Variants in ADAM9 observed in about 807,000 individuals in gnomAD.
ADAM9 encodes the protein ADAM metallopeptidase domain 9.
A neutral mutation model predicts 108.1 loss-of-function variants in ADAM9; 54 were observed. That is an observed-to-expected ratio of 0.50 (90% CI 0.40 to 0.63). The LOEUF (loss-of-function observed/expected upper bound fraction) is 0.63, where lower values mean the gene tolerates loss of function less well. Among genes scored for constraint, ADAM9 ranks in the 20% least tolerant of loss-of-function variants. The pLI is 0.00. For missense variants in ADAM9, 830 were observed against 997.7 expected, an observed-to-expected ratio of 0.83 and a Z score of 2.26; for synonymous variants, 316 against 336.0, an observed-to-expected ratio of 0.94 and a Z score of 0.65.
At chr8:39,014,251 GTTTT>G in intron 4 of ADAM9, 1 of 492,984 alleles carries the variant, frequency 2.0e-6, no homozygotes, top group South Asian at 2.9e-5. Context: ...AGTAGTTAAG[GTTTT>G]TTTTTTAAAG....
intron 19 of ADAM9, 55 bp downstream of exon 19, chr8:39,090,243 G>T: frequency 6.8e-7 from 1 of 1,472,260 alleles, no homozygotes. Context: ...TACATTTTCT[G>T]AGACAGAATC....
intron 11 of ADAM9, 46 bp downstream of exon 11, chr8:39,026,856 C>T (rs1455459452): frequency 6.2e-7 from 1 of 1,609,454 alleles, no homozygotes; most frequent in Non-Finnish European, 8.5e-7. Context: ...ATTGTAGATC[C>T]ATGTTTCTTA....
intron 21 of ADAM9, 25 bp from the exon 22 acceptor site, chr8:39,103,581 AT>A: frequency 6.2e-7 from 1 of 1,602,810 alleles, no homozygotes; most frequent in African/African-American, 1.3e-5. Flanking sequence ...TAAACACTCT[AT>A]TAACTATCTC....
chr8:39,026,605 A>T (rs1836930493), intron 10 of ADAM9, 72 bp from the exon 11 acceptor site: 2 of 1,605,342 alleles, frequency 1.2e-6, no homozygotes, highest in Admixed American at 1.7e-5. Context: ...CCTTTTGTGA[A>T]AAAATAATCT....
chr8:39,062,251 T>C (rs1026982518), intron 14 of ADAM9, among the ~76,000 whole-genome samples: 1 of 152,206 alleles, frequency 6.6e-6, no homozygotes, highest in Admixed American at 6.5e-5. Context: ...TAATGATTAA[T>C]AGTATAAATT....
chr8:39,089,744 A>G (rs1166466405), intron 18 of ADAM9: 7 of 378,416 alleles, frequency 1.8e-5, no homozygotes, highest in African/African-American at 1.0e-4. Flanking sequence ...ACCAAATGGT[A>G]TATAAATAGT....
chr8:39,091,526 T>G (rs1288572637), intron 20 of ADAM9, among the ~76,000 whole-genome samples, 180 bp downstream of exon 20: 5 of 152,180 alleles, frequency 3.3e-5, no homozygotes. Flanking sequence ...CTTGCTCTGT[T>G]GCCCGGGGTG....
chr8:39,044,854 A>ATG (rs550520817), intron 12 of ADAM9, among the ~76,000 whole-genome samples: 3 of 150,258 alleles, frequency 2.0e-5, no homozygotes, highest in East Asian at 2.0e-4. Context: ...GGGTGTGTGT[A>ATG]TGTGTGTGTG....
At chr8:39,016,280 T>C (rs369796519) in intron 5 of ADAM9, 86 bp downstream of exon 5, 3 of 1,253,854 alleles carry the variant, frequency 2.4e-6, no homozygotes, top group African/African-American at 3.0e-5. Context: ...TAAATCATTT[T>C]GGGCACTTAG....
chr8:39,020,540 A>G (rs1836703354), intron 7 of ADAM9, among the ~76,000 whole-genome samples: 2 of 152,242 alleles, frequency 1.3e-5, no homozygotes, highest in South Asian at 4.1e-4. Flanking sequence ...TAATGTTAAA[A>G]ATAGACATTT....
In ADAM9 at chr8:39,090,033, ATTC is replaced by A; in HGVS notation, c.2069-9_2069-7del. 1 of 1,613,478 alleles carries A rather than the reference ATTC, an allele frequency of 6.2e-7. No homozygotes were observed. The highest frequency in any genetic ancestry group is 8.5e-7 in the Non-Finnish European group (1 of 1,179,658). Reference sequence around the variant, plus strand: ...TGAGTTTGGTGACTGTTGATGTAAAATTCTTCTCTCTAGAAATGAATACTGCAT... The same window carrying A: ...TGAGTTTGGTGACTGTTGATGTAAAATTCTCTCTAGAAATGAATACTGCAT... On this transcript the variant is annotated splice_polypyrimidine_tract_variant and intron_variant, in intron 18 of 21. Coordinates refer to ENST00000487273, the MANE Select transcript of ADAM9 (RefSeq NM_003816.3).
chr8:39,003,873 A>T (rs1287683191), intron 1 of ADAM9, among the ~76,000 whole-genome samples: 4 of 152,006 alleles, frequency 2.6e-5, no homozygotes, highest in African/African-American at 9.7e-5. Flanking sequence ...AATGGAAAAG[A>T]AGGAAAAAAA....
Position 39,021,689 on chromosome 8 carries a change from T to C in ADAM9, c.719T>C (p.Ile240Thr). ...RNQTAVREEM[I>T]LLANYLDSMY... ...CAGACTGCTGTGAGAGAAGAGATGA[T>C]TCTCCTGGCAAACTACTTGGATAGT... The change falls in exon 8 of 22, where the codon ATT becomes ACT. Residue 240 changes from isoleucine (I) to threonine (T), a missense_variant. Physicochemically the swap from Ile to Thr is moderately conservative, Grantham distance 89. Around this residue, in one of 3 missense-constraint regions of ADAM9, gnomAD observed 381 missense variants for 539.8 expected, o/e 0.71. Transcript: ENST00000487273. The C allele has an allele frequency of 6.2e-7, 1 of 1,614,040 alleles. No homozygotes were observed. The highest frequency in any genetic ancestry group is 8.5e-7 in the Non-Finnish European group (1 of 1,179,878).
At chr8:39,028,980 C>G (rs986421478) in intron 11 of ADAM9, among the ~76,000 whole-genome samples, 1 of 152,006 alleles carries the variant, frequency 6.6e-6, no homozygotes, top group East Asian at 1.9e-4. Context: ...AGCAGACTTA[C>G]AGTATACTTA....
rs201256112 is a variant in ADAM9 at position 39,055,614 on chromosome 8, G to T, written c.1433G>T (p.Ser478Ile). The T allele has an allele frequency of 1.2e-5, 20 of 1,613,648 alleles. No homozygotes were observed. The highest frequency in any genetic ancestry group is 1.6e-5 in the Non-Finnish European group (19 of 1,179,734). ...PGGTLCRGKT[S>I]ECDVPEYCNG... The stretch of plus-strand genomic sequence containing the variant: ...GGTACTTTATGCCGAGGAAAAACCA[G>T]TGAGTGTGATGTTCCAGAGTACTGC... Residue 478 changes from serine to isoleucine, a missense_variant, in exon 14 of 22, where the codon AGT becomes ATT. Around this residue, in one of 3 missense-constraint regions of ADAM9, gnomAD observed 381 missense variants for 539.8 expected, o/e 0.71. Coordinates refer to ENST00000487273, the MANE Select transcript of ADAM9 (RefSeq NM_003816.3).
chr8:39,091,364 A>C lies in ADAM9; in HGVS notation c.2298+18A>C, dbSNP rs1839349475. The C allele has an allele frequency of 6.2e-7, 1 of 1,602,266 alleles. No homozygotes were observed. On this transcript the variant is annotated intron_variant, in intron 20 of 21. Transcript: ENST00000487273. ...GAGAAGTTGTAAGTATAAAATGAAA[A>C]ATTATTTTTCTTTACTGTATTAAAG...
At position 39,090,085 on chromosome 8, in the gene ADAM9, T is replaced by C. The variant is rs926635362; in HGVS notation, c.2107T>C (p.Phe703Leu). Residue 703 changes from phenylalanine to leucine, a missense_variant, in exon 19 of 22, where the codon TTC becomes CTC. Around this residue, in one of 3 missense-constraint regions of ADAM9, gnomAD observed 238 missense variants for 235.7 expected, o/e 1.01. Transcript: ENST00000487273. ...TALRDGLLVFFFLIVPLIVCA... is the reference protein window; with the variant it reads ...TALRDGLLVFLFLIVPLIVCA... ...ATTGAGGGACGGACTTCTGGTCTTCTTCTTCCTAATTGTTCCCCTTATTGT... is the reference window on the plus strand; with the variant it reads ...ATTGAGGGACGGACTTCTGGTCTTCCTCTTCCTAATTGTTCCCCTTATTGT... The C allele has an allele frequency of 1.5e-5, 25 of 1,613,870 alleles. No individual in the cohort carries two copies. Among genetic ancestry groups the C allele is most frequent in the South Asian group, 3.3e-5 (3 of 91,082 alleles).
intron 12 of ADAM9, among the ~76,000 whole-genome samples, chr8:39,044,455 A>G (rs574892175): frequency 4.4e-4 from 67 of 152,018 alleles, no homozygotes; most frequent in African/African-American, 1.6e-3. Flanking sequence ...TCTGAATTTT[A>G]TTTTATTTTA....
chr8:38,999,275 T>C (rs950256062), intron 1 of ADAM9, among the ~76,000 whole-genome samples: 17 of 152,096 alleles, frequency 1.1e-4, no homozygotes, highest in African/African-American at 4.1e-4. Context: ...TTTTATAACA[T>C]TGTCTCAATG....
Sources: allele counts gnomAD v4.1 joint callset (sites outside exome capture counted in the v4.1 genomes callset), GRCh38; gene constraint gnomAD v4.1.1; regional missense constraint gnomAD v4.1.1; transcripts MANE v1.5; gene names NCBI Gene and HGNC (gene_info 2026-07-23, HGNC 2026-07-21).